TBC1D8: variants seen among roughly 807,000 people sequenced by gnomAD.
TBC1D8 encodes BUB2-like protein 1.
A neutral mutation model predicts 118.8 loss-of-function variants in TBC1D8; 65 were observed. The observed-to-expected ratio is 0.55, with a 90% CI of 0.45 to 0.67. The LOEUF (loss-of-function observed/expected upper bound fraction) is 0.67, where lower values mean the gene tolerates loss of function less well. TBC1D8 is among the 30% of genes least tolerant of loss of function. The probability of loss-of-function intolerance (pLI) is 0.00; values close to 1 mark genes in which losing one functional copy is unlikely to be tolerated. For missense variants in TBC1D8, 1,376 were observed against 1,471.2 expected, an observed-to-expected ratio of 0.94 and a Z score of 1.06; for synonymous variants, 566 against 595.8, an observed-to-expected ratio of 0.95 and a Z score of 0.73.
rs567519828 is a variant in TBC1D8, at chr2:101,090,946, T to C, written c.128-582A>G. 2.0e-5 allele frequency among the ~76,000 whole-genome samples: 3 copies of C among 152,312 alleles called. No individual in the cohort carries two copies. In the South Asian group the frequency reaches 6.2e-4, roughly 32 times the overall value. On this transcript the variant is annotated intron_variant, in intron 1 of 19. Coordinates refer to ENST00000409318, the MANE Select transcript of TBC1D8 (RefSeq NM_001330348.2). ...GTCATCATTATCCTCCTCTCCAATA[T>C]GGTAGAATAATCCCTGCCTGCTCCA...
At chr2:101,028,665 A>G in intron 12 of TBC1D8, 1 of 469,562 alleles carries the variant, frequency 2.1e-6, no homozygotes, top group Non-Finnish European at 3.7e-6. Context: ...CAGTGAAGTA[A>G]GCCCAACATT....
intron 1 of TBC1D8, among the ~76,000 whole-genome samples, chr2:101,146,053 T>G (rs927016807): frequency 1.2e-5 from 1 of 85,804 alleles, no homozygotes; most frequent in Non-Finnish European, 2.4e-5. Context: ...TGATGTATAC[T>G]GTTTATTAAT....
intron 1 of TBC1D8, among the ~76,000 whole-genome samples, chr2:101,113,002 G>C (rs1432227851): frequency 6.6e-6 from 1 of 152,094 alleles, no homozygotes; most frequent in Non-Finnish European, 1.5e-5. Flanking sequence ...ACCCGTGCAG[G>C]CTGTAACACA....
intron 13 of TBC1D8, 35 bp downstream of exon 13, chr2:101,028,268 G>A: frequency 6.3e-7 from 1 of 1,593,470 alleles, no homozygotes; most frequent in Non-Finnish European, 8.5e-7. Flanking sequence ...GGGGTTAGGG[G>A]CTGCAACGGG....
In TBC1D8 at chr2:101,007,774, G is replaced by A. The variant is rs781524620; in HGVS notation, c.*47C>T. The A allele has an allele frequency of 1.3e-5, 21 of 1,567,462 alleles. No individual in the cohort carries two copies. The highest frequency in any genetic ancestry group is 2.2e-5 in the East Asian group (1 of 44,578). ...CTGACCCCAAGAAACAGTCTGGTTCGTGCTTTGGTATGGTGGACTCCAGTG... is the reference window on the plus strand; with the variant it reads ...CTGACCCCAAGAAACAGTCTGGTTCATGCTTTGGTATGGTGGACTCCAGTG... On this transcript the variant is annotated 3_prime_UTR_variant, in exon 20 of 20. Coordinates refer to ENST00000409318, the MANE Select transcript of TBC1D8 (RefSeq NM_001330348.2).
In TBC1D8 at chr2:101,108,441, A is replaced by G. The variant is rs183826436; in HGVS notation, c.128-18077T>C. 2.8e-3 allele frequency among the ~76,000 whole-genome samples: 424 copies of G among 152,344 alleles called. 4 individuals are homozygous for G. The highest frequency in any genetic ancestry group is 9.7e-3 in the African/African-American group (403 of 41,582). Reference sequence around the variant, plus strand: ...TTCATTTGTTACTGCTGCCATAACAAGCTACCACAACCATAATAGCTTAAA... The same window carrying G: ...TTCATTTGTTACTGCTGCCATAACAGGCTACCACAACCATAATAGCTTAAA... On this transcript the variant is annotated intron_variant, in intron 1 of 19. Coordinates refer to ENST00000409318, the MANE Select transcript of TBC1D8 (RefSeq NM_001330348.2).
At chr2:101,103,930 T>C (rs1677038177) in intron 1 of TBC1D8, among the ~76,000 whole-genome samples, 1 of 152,138 alleles carries the variant, frequency 6.6e-6, no homozygotes. Flanking sequence ...GATGATATGC[T>C]TGTCTTTGTA....
rs534603375 is a variant in TBC1D8, at chr2:101,028,256, G to C, written c.2352+47C>G. ...CATCCATCCCCCAGTCACAATTCCC[G>C]GGGGGTTAGGGGCTGCAACGGGGCA... On this transcript the variant is annotated intron_variant, in intron 13 of 19. Transcript: ENST00000409318. 8.2e-6 allele frequency: 13 copies of C among 1,586,490 alleles called. No homozygotes were observed. The South Asian group carries it at 1.1e-4, about 14-fold the overall frequency.
At chr2:101,089,516 A>T (rs780157896) in intron 2 of TBC1D8, among the ~76,000 whole-genome samples, 2 of 152,130 alleles carry the variant, frequency 1.3e-5, no homozygotes, top group Non-Finnish European at 1.5e-5. Flanking sequence ...GAGTGGTTAG[A>T]CAGAGCACCA....
intron 17 of TBC1D8, among the ~76,000 whole-genome samples, chr2:101,021,391 A>T (rs767459243): frequency 6.6e-6 from 1 of 152,202 alleles, no homozygotes; most frequent in South Asian, 2.1e-4. Flanking sequence ...CACAGGCCAG[A>T]GGTTGTGAAG....
At chr2:101,099,052 C>CA (rs59820485) in intron 1 of TBC1D8, among the ~76,000 whole-genome samples, 3,541 of 120,412 alleles carry the variant, frequency 0.029, 59 homozygotes, top group Non-Finnish European at 0.044. Flanking sequence ...AAAAACCATC[C>CA]AAAAAAAAAA....
intron 5 of TBC1D8, among the ~76,000 whole-genome samples, chr2:101,042,690 G>T (rs1185472738): frequency 1.3e-5 from 2 of 151,634 alleles, no homozygotes; most frequent in Non-Finnish European, 2.9e-5. Context: ...TGCATAGTGG[G>T]ACTTCCACTT....
At position 101,022,312 on chromosome 2, in the gene TBC1D8, G is replaced by C. The variant is rs200104292; in HGVS notation, c.2730C>G (p.Leu910=). Residue 910 remains leucine (L), a synonymous_variant, in exon 16 of 20, where the codon CTC becomes CTG. Transcript: ENST00000409318. ...AGCTCACAAACGCTTTGAACTCGATGAGCTGGTCCATGTTGTCATCCAAGA... is the reference window on the plus strand; with the variant it reads ...AGCTCACAAACGCTTTGAACTCGATCAGCTGGTCCATGTTGTCATCCAAGA... ...FRLLDDNMDQ[L]IEFKAFVSCL... is the part of the protein sequence containing the mutation. The C allele has an allele frequency of 6.7e-4, 1,083 of 1,612,886 alleles. 1 individual carries two copies. Among genetic ancestry groups the C allele is most frequent in the Non-Finnish European group, 8.9e-4 (1,048 of 1,179,636 alleles).
intron 3 of TBC1D8, 71 bp downstream of exon 3, chr2:101,059,349 CT>C (rs1166661462): frequency 8.2e-7 from 1 of 1,214,260 alleles, no homozygotes; most frequent in East Asian, 2.4e-5. Context: ...TGTTAGTATG[CT>C]ACAGTGTTCG....
intron 2 of TBC1D8, among the ~76,000 whole-genome samples, chr2:101,076,110 T>C (rs1674798631): frequency 6.6e-6 from 1 of 152,284 alleles, no homozygotes; most frequent in South Asian, 2.1e-4. Context: ...AGTAGGCAAC[T>C]ACAGAGCAAA....
At chr2:101,037,349 A>G (rs1681075934) in intron 8 of TBC1D8, among the ~76,000 whole-genome samples, 183 bp downstream of exon 8, 1 of 152,208 alleles carries the variant, frequency 6.6e-6, no homozygotes, top group South Asian at 2.1e-4. Context: ...TGGGTGGGAG[A>G]GCAGCCCCTC....
intron 1 of TBC1D8, among the ~76,000 whole-genome samples, chr2:101,113,243 T>C (rs1677684028): frequency 6.6e-6 from 1 of 152,168 alleles, no homozygotes; most frequent in Non-Finnish European, 1.5e-5. Flanking sequence ...GGAAAACATA[T>C]AAAACCACAA....
At chr2:101,021,897 G>A (rs1680051016) in intron 16 of TBC1D8, among the ~76,000 whole-genome samples, 151 bp from the exon 17 acceptor site, 1 of 152,180 alleles carries the variant, frequency 6.6e-6, no homozygotes, top group African/African-American at 2.4e-5. Context: ...AGCAATGAAA[G>A]TGTTAAAGAC....
intron 1 of TBC1D8, among the ~76,000 whole-genome samples, chr2:101,097,823 G>C (rs747824253): frequency 6.6e-6 from 1 of 152,130 alleles, no homozygotes; most frequent in Non-Finnish European, 1.5e-5. Flanking sequence ...AGCTATGATT[G>C]ATCACACTGC....
Sources: allele counts gnomAD v4.1 joint callset (sites outside exome capture counted in the v4.1 genomes callset), GRCh38; gene constraint gnomAD v4.1.1; transcripts MANE v1.5; gene names NCBI Gene and HGNC (gene_info 2026-07-23, HGNC 2026-07-21).